CDH12: variants seen among roughly 807,000 people sequenced by gnomAD.
CDH12 encodes the protein cadherin-12.
A neutral mutation model predicts 74.1 loss-of-function variants in CDH12; 41 were observed. The ratio of observed to expected loss-of-function variants is 0.55; its 90% CI spans 0.43 to 0.72. CDH12 has a LOEUF of 0.72. CDH12 is among the 30% of genes least tolerant of loss of function. The probability of loss-of-function intolerance (pLI) is 0.00; values close to 1 mark genes in which losing one functional copy is unlikely to be tolerated. For synonymous variants in CDH12, 399 were observed against 355.0 expected (o/e 1.12, Z -1.39); for missense variants, 945 against 977.2 (o/e 0.97, Z 0.44).
intron 3 of CDH12, among the ~76,000 whole-genome samples, chr5:22,283,911 T>G (rs1737025446): frequency 6.6e-6 from 1 of 152,076 alleles, no homozygotes; most frequent in Non-Finnish European, 1.5e-5. Context: ...TTTGGGAAAA[T>G]TATATAAATG....
intron 1 of CDH12, among the ~76,000 whole-genome samples, chr5:22,525,385 T>A (rs958208631): frequency 2.6e-5 from 4 of 152,108 alleles, no homozygotes; most frequent in African/African-American, 7.2e-5. Context: ...GGTGGATAGT[T>A]AAACCATCTA....
chr5:22,628,103 A>G (rs1179164902), intron 1 of CDH12, among the ~76,000 whole-genome samples: 2 of 152,152 alleles, frequency 1.3e-5, no homozygotes, highest in Non-Finnish European at 2.9e-5. Context: ...GATTCATAAA[A>G]GCAAGTTCTT....
chr5:22,547,891 C>T (rs1481107951), intron 1 of CDH12, among the ~76,000 whole-genome samples: 1 of 152,096 alleles, frequency 6.6e-6, no homozygotes. Context: ...TATTTCCGCC[C>T]ATGGAAACCT....
chr5:22,220,344 G>T (rs2150368329), intron 3 of CDH12, among the ~76,000 whole-genome samples: 1 of 151,694 alleles, frequency 6.6e-6, no homozygotes, highest in South Asian at 2.1e-4. Flanking sequence ...GCATTTTATT[G>T]ATTAGACATA....
At chr5:22,348,427 T>C (rs1419192613) in intron 3 of CDH12, among the ~76,000 whole-genome samples, 1 of 152,206 alleles carries the variant, frequency 6.6e-6, no homozygotes, top group Non-Finnish European at 1.5e-5. Flanking sequence ...GATTAGAGTA[T>C]AAAGAGCTTT....
At chr5:22,698,680 T>G (rs1337703264) in intron 1 of CDH12, among the ~76,000 whole-genome samples, 9 of 6,342 alleles carry the variant, frequency 1.4e-3, no homozygotes, top group Admixed American at 7.7e-3. Context: ...TCCCCAGATA[T>G]ATATATATAT....
chr5:22,569,725 C>G (rs532576467), intron 1 of CDH12, among the ~76,000 whole-genome samples: 250 of 152,266 alleles, frequency 1.6e-3, no homozygotes, highest in African/African-American at 5.8e-3. Context: ...TGAGTTACAG[C>G]AATTTAGTCC....
chr5:22,233,660 A>G (rs748626819), intron 3 of CDH12, among the ~76,000 whole-genome samples: 1 of 152,216 alleles, frequency 6.6e-6, no homozygotes, highest in Non-Finnish European at 1.5e-5. Flanking sequence ...CTCCTAAGGT[A>G]CAGTATTTTT....
intron 4 of CDH12, among the ~76,000 whole-genome samples, chr5:22,191,634 G>A (rs1487974665): frequency 1.5e-4 from 7 of 47,856 alleles, no homozygotes; most frequent in African/African-American, 3.3e-4. Context: ...GCGGGATCTC[G>A]GCTCACTGCA....
intron 4 of CDH12, among the ~76,000 whole-genome samples, chr5:22,204,164 T>G (rs199807132): frequency 0.56 from 79,864 of 143,036 alleles, 22,146 homozygotes; most frequent in East Asian, 0.8. Flanking sequence ...TTTTGTTTGT[T>G]TTTTTTTTTT....
rs149285488 is a variant in CDH12, at chr5:22,686,788, A to G, written c.-523+166270T>C. On this transcript the variant is annotated intron_variant, in intron 1 of 14. Transcript: ENST00000382254. ...GTCTAACATTGTTTTAATACATAGT[A>G]CTTGCACTTTAGCTCTTAACAGATC... 1.2e-4 allele frequency among the ~76,000 whole-genome samples: 19 copies of G among 152,362 alleles called. No individual in the cohort carries two copies. The East Asian group carries it at 3.3e-3, about 26-fold the overall frequency.
chr5:22,723,311 C>T (rs1015131897), intron 1 of CDH12, among the ~76,000 whole-genome samples: 5 of 152,196 alleles, frequency 3.3e-5, no homozygotes, highest in South Asian at 2.1e-4. Context: ...AGCGTTTATA[C>T]GTTTTACTTT....
intron 1 of CDH12, among the ~76,000 whole-genome samples, chr5:22,805,031 C>T (rs1364876592): frequency 6.6e-6 from 1 of 152,102 alleles, no homozygotes; most frequent in Non-Finnish European, 1.5e-5. Context: ...GGATGCTGTA[C>T]ACTGCTGGTG....
At chr5:22,822,213 C>A (rs1369627693) in intron 1 of CDH12, among the ~76,000 whole-genome samples, 1 of 152,114 alleles carries the variant, frequency 6.6e-6, no homozygotes, top group Non-Finnish European at 1.5e-5. Flanking sequence ...CTTCCTTACA[C>A]CTTATACAAA....
At chr5:22,817,819 C>T (rs916899135) in intron 1 of CDH12, among the ~76,000 whole-genome samples, 34 of 152,086 alleles carry the variant, frequency 2.2e-4, no homozygotes, top group African/African-American at 7.7e-4. Context: ...GCAATACTGG[C>T]AATACAACTC....
chr5:22,013,900 C>T (rs1233035778), intron 5 of CDH12, among the ~76,000 whole-genome samples: 8 of 152,072 alleles, frequency 5.3e-5, no homozygotes, highest in Non-Finnish European at 7.4e-5. Flanking sequence ...AAAAGGGATT[C>T]TACATCTTGA....
At chr5:22,172,107 T>C (rs1749066276) in intron 4 of CDH12, among the ~76,000 whole-genome samples, 1 of 151,940 alleles carries the variant, frequency 6.6e-6, no homozygotes, top group South Asian at 2.1e-4. Flanking sequence ...TGTGAAGTTA[T>C]AGCATCTGGG....
chr5:22,237,803 G>A lies in CDH12; in HGVS notation c.-332-25160C>T, dbSNP rs1037798607. ...AAGATGAGGAAGCCATATGCTGAGC[G>A]TACCACTTCATAGCACCACGAGGCC... On this transcript the variant is annotated intron_variant, in intron 3 of 14. Coordinates refer to ENST00000382254, the MANE Select transcript of CDH12 (RefSeq NM_004061.5). Among the ~76,000 whole-genome samples the A allele has an allele frequency of 3.9e-5, 6 of 152,228 alleles. No individual in the cohort carries two copies. The East Asian group carries it at 5.8e-4, about 15-fold the overall frequency.
At position 21,967,398 on chromosome 5, in the gene CDH12, T is replaced by C. The variant is rs140440148; in HGVS notation, c.526+7693A>G. Among the ~76,000 whole-genome samples, 752 of 152,314 alleles carry C rather than the reference T, an allele frequency of 4.9e-3. 5 individuals are homozygous for C. Among genetic ancestry groups the C allele is most frequent in the African/African-American group, 0.017 (697 of 41,556 alleles). On this transcript the variant is annotated intron_variant, in intron 6 of 14. Transcript: ENST00000382254. ...TGTTCATAGCTATCTTGCCAGTAGCTGGCAAAGCAGTTTTTATAAGACATA... is the reference window on the plus strand; with the variant it reads ...TGTTCATAGCTATCTTGCCAGTAGCCGGCAAAGCAGTTTTTATAAGACATA...
Sources: allele counts gnomAD v4.1 joint callset (sites outside exome capture counted in the v4.1 genomes callset), GRCh38; gene constraint gnomAD v4.1.1; transcripts MANE v1.5; gene names NCBI Gene and HGNC (gene_info 2026-07-23, HGNC 2026-07-21).